PIGN: variants seen among roughly 807,000 people sequenced by gnomAD.
PIGN encodes GPI ethanolamine phosphate transferase 1.
In PIGN, 117 loss-of-function variants were observed where a neutral mutation model predicts 125.4. That is an observed-to-expected ratio of 0.93 (90% CI 0.80 to 1.09). The LOEUF (loss-of-function observed/expected upper bound fraction) is 1.09, where lower values mean the gene tolerates loss of function less well. Among genes scored for constraint, PIGN ranks in the 50% least tolerant of loss-of-function variants. The probability of loss-of-function intolerance (pLI) is 0.00; values close to 1 mark genes in which losing one functional copy is unlikely to be tolerated. For missense variants in PIGN, 1,075 were observed against 1,094.9 expected (o/e 0.98, Z 0.26); for synonymous variants, 392 against 377.8 (o/e 1.04, Z -0.44).
chr18:62,086,924 A>G (rs1388942721), intron 25 of PIGN, among the ~76,000 whole-genome samples: 1 of 152,132 alleles, frequency 6.6e-6, no homozygotes, highest in East Asian at 1.9e-4. Flanking sequence ...GACTGGGAGT[A>G]TGGTGATGCC....
At chr18:62,155,767 C>T (rs1232887876) in intron 6 of PIGN, among the ~76,000 whole-genome samples, 2 of 152,098 alleles carry the variant, frequency 1.3e-5, no homozygotes, top group African/African-American at 4.8e-5. Context: ...TGTCCTCTCC[C>T]ATCCATTGTA....
chr18:62,122,626 G>A (rs1216998296), intron 14 of PIGN, among the ~76,000 whole-genome samples: 2 of 152,106 alleles, frequency 1.3e-5, no homozygotes, highest in Non-Finnish European at 2.9e-5. Flanking sequence ...ATGGTGAAGA[G>A]AAGACTTCTG....
chr18:62,021,249 C>A (rs992595325), intron 23 of PIGN, among the ~76,000 whole-genome samples: 3 of 152,100 alleles, frequency 2.0e-5, no homozygotes, highest in East Asian at 3.9e-4. Context: ...GAGAACAAAC[C>A]AAATGCCCAT....
At chr18:62,068,472 G>A (rs968032258) in intron 30 of PIGN, among the ~76,000 whole-genome samples, 2 of 152,088 alleles carry the variant, frequency 1.3e-5, no homozygotes, top group Admixed American at 1.3e-4. Flanking sequence ...ATTTTTATTG[G>A]GGTCTTGGTA....
At chr18:62,146,853 G>A (rs1313395449) in intron 9 of PIGN, 118 bp downstream of exon 9, 1 of 967,618 alleles carries the variant, frequency 1.0e-6, no homozygotes, top group African/African-American at 1.7e-5. Context: ...ACAGAATTAT[G>A]TGCTAGACAT....
intron 11 of PIGN, among the ~76,000 whole-genome samples, chr18:62,143,013 A>G (rs562948726): frequency 7.2e-5 from 11 of 152,350 alleles, no homozygotes; most frequent in African/African-American, 2.4e-4. Context: ...CAATACAACC[A>G]TGAAAAGCAA....
At chr18:62,088,920 C>G in intron 24 of PIGN, 78 bp from the exon 25 acceptor site, 2 of 778,052 alleles carry the variant, frequency 2.6e-6, no homozygotes, top group South Asian at 3.1e-5. Flanking sequence ...CTTACAATGG[C>G]TAAGTTACAA....
chr18:62,128,426 A>G (rs1182965273), intron 14 of PIGN, among the ~76,000 whole-genome samples: 1 of 152,212 alleles, frequency 6.6e-6, no homozygotes, highest in Non-Finnish European at 1.5e-5. Flanking sequence ...AGCTAGTAAC[A>G]TAATTAAAAC....
intron 14 of PIGN, among the ~76,000 whole-genome samples, chr18:62,118,338 A>G (rs1382846042): frequency 6.6e-6 from 1 of 152,150 alleles, no homozygotes; most frequent in East Asian, 1.9e-4. Flanking sequence ...TATGCCAGAG[A>G]AGCTTTGGGC....
chr18:62,150,186 G>A (rs1184816938), intron 7 of PIGN, among the ~76,000 whole-genome samples: 2 of 152,176 alleles, frequency 1.3e-5, no homozygotes, highest in Non-Finnish European at 2.9e-5. Context: ...ATATCACCAT[G>A]TTGGCTAGGC....
chr18:62,105,483 G>A, intron 20 of PIGN, 60 bp downstream of exon 20: 2 of 937,208 alleles, frequency 2.1e-6, no homozygotes, highest in South Asian at 3.0e-5. Flanking sequence ...AAATTTTACA[G>A]TGTTAATTGA....
chr18:62,109,747 C>T, intron 17 of PIGN, 87 bp downstream of exon 17: 3 of 1,153,684 alleles, frequency 2.6e-6, no homozygotes, highest in Non-Finnish European at 3.7e-6. Context: ...TATTTGATGA[C>T]TTATGGTACA....
intron 23 of PIGN, among the ~76,000 whole-genome samples, chr18:62,093,996 AT>A (rs1207277753): frequency 6.6e-6 from 1 of 152,130 alleles, no homozygotes; most frequent in Non-Finnish European, 1.5e-5. Context: ...TAACAAGGTT[AT>A]ATAGTGCCTT....
chr18:62,107,037 C>A lies in PIGN; in HGVS notation c.1623G>T (p.Leu541=). 1 of 1,591,400 alleles carries A rather than the reference C, an allele frequency of 6.3e-7. No homozygotes were observed. Among genetic ancestry groups the A allele is most frequent in the Non-Finnish European group, 8.6e-7 (1 of 1,168,540 alleles). Residue 541 remains leucine (L), a synonymous_variant, in exon 18 of 31, where the codon CTG becomes CTT. Transcript: ENST00000640252. ...CTAACAGGTACCCAACAAAATGGCT[C>A]AGAGGATAGGTCAACACTGATACAA... ...DLVVSVLTYP[L]SHFVGYLLAF... is the part of the protein sequence containing the mutation.
chr18:62,046,923 T>C (rs569367825), intron 30 of PIGN, among the ~76,000 whole-genome samples: 2 of 152,258 alleles, frequency 1.3e-5, no homozygotes, highest in African/African-American at 4.8e-5. Flanking sequence ...AACTGGTCAG[T>C]GATCTTGGGA....
intron 23 of PIGN, among the ~76,000 whole-genome samples, chr18:62,018,912 T>C (rs957563372): frequency 6.6e-6 from 1 of 152,136 alleles, no homozygotes; most frequent in Non-Finnish European, 1.5e-5. Flanking sequence ...TGCCCAAGGT[T>C]GGCAGTTAGA....
intron 1 of PIGN, among the ~76,000 whole-genome samples, chr18:62,185,620 T>C (rs1568270240): frequency 3.1e-5 from 1 of 32,270 alleles, no homozygotes; most frequent in Non-Finnish European, 8.5e-5. Flanking sequence ...GGGAGATACT[T>C]TACTGTGGAA....
At chr18:62,040,735 A>G (rs1385383118), downstream of PIGN, among the ~76,000 whole-genome samples, 12 of 152,226 alleles carry the variant, frequency 7.9e-5, no homozygotes, top group Admixed American at 7.9e-4. Flanking sequence ...CAGCAAGGAG[A>G]GGAGCTTTTA....
At chr18:62,054,414 G>A (rs995951439) in intron 30 of PIGN, among the ~76,000 whole-genome samples, 2 of 150,424 alleles carry the variant, frequency 1.3e-5, no homozygotes, top group Admixed American at 6.6e-5. Context: ...CTGTTAAGAG[G>A]GTAAAAAGAC....
Sources: gnomAD v4.1 joint callset for allele counts (sites outside exome capture counted in the v4.1 genomes callset) on GRCh38, gnomAD v4.1.1 for gene constraint, MANE v1.5 for transcripts, NCBI Gene and HGNC (gene_info 2026-07-23, HGNC 2026-07-21) for gene names.